TGFA: variants seen among roughly 807,000 people sequenced by gnomAD.
The protein encoded by TGFA is protransforming growth factor alpha.
A neutral mutation model predicts 21.7 loss-of-function variants in TGFA; 12 were observed. That is an observed-to-expected ratio of 0.55 (90% CI 0.35 to 0.90). TGFA has a LOEUF of 0.90. TGFA is among the 40% of genes least tolerant of loss of function. The pLI is 0.01. For missense variants in TGFA, 178 were observed against 210.8 expected (o/e 0.84, Z 0.96); for synonymous variants, 79 against 88.1 (o/e 0.90, Z 0.58).
At chr2:70,523,962 G>C (rs1040814590) in intron 1 of TGFA, among the ~76,000 whole-genome samples, 1 of 152,128 alleles carries the variant, frequency 6.6e-6, no homozygotes, top group Admixed American at 6.5e-5. Context: ...CTGACATCTG[G>C]AGAAGCATGC....
At position 70,447,916 on chromosome 2, in the gene TGFA, G is replaced by GGT. The variant is rs1669930067; in HGVS notation, c.*2941_*2942dup. The GGT allele has an allele frequency of 6.6e-6, 1 of 152,190 alleles. No homozygotes were observed. The highest frequency in any genetic ancestry group is 2.1e-4 in the South Asian group (1 of 4,818). The allele number at this position is 152,190 out of a possible 1,614,324, so 9.4% of individuals were successfully genotyped here. A position where few individuals can be genotyped will look rare whatever the true frequency, so the allele number is the denominator to read the frequency against. ...GGCCAAATTGACTGAAAAAGCAACT[G>GGT]GTGACCCATGTGCCCTCGAAAACCT... On this transcript the variant is annotated 3_prime_UTR_variant, in exon 6 of 6. Transcript: ENST00000295400.
intron 4 of TGFA, 136 bp downstream of exon 4, chr2:70,456,203 T>G: frequency 8.1e-7 from 1 of 1,235,454 alleles, no homozygotes; most frequent in Non-Finnish European, 1.1e-6. Flanking sequence ...CAAAGTAGCA[T>G]TTAGCTTTCC....
chr2:70,452,607 A>G (rs1443235867), intron 5 of TGFA, among the ~76,000 whole-genome samples: 3 of 152,174 alleles, frequency 2.0e-5, no homozygotes, highest in Non-Finnish European at 4.4e-5. Flanking sequence ...GGTATTTTAT[A>G]TCAGTACTCC....
At chr2:70,553,638 C>G (rs1475335905) in intron 1 of TGFA, 90 bp downstream of exon 1, 2 of 1,305,316 alleles carry the variant, frequency 1.5e-6, no homozygotes, top group Admixed American at 7.8e-5. Flanking sequence ...CCCAGGCGGG[C>G]GCAGAAACCC....
chr2:70,553,167 A>C (rs782002101), intron 1 of TGFA: 130 of 1,535,632 alleles, frequency 8.5e-5, no homozygotes, highest in Non-Finnish European at 1.0e-4. Context: ...TAATCCGCCC[A>C]AAAATCCAAA....
intron 1 of TGFA, among the ~76,000 whole-genome samples, chr2:70,529,592 C>A (rs1672751077): frequency 6.7e-6 from 1 of 149,026 alleles, no homozygotes; most frequent in African/African-American, 2.6e-5. Context: ...AGTGAATCCC[C>A]CCGCCCCAGT....
chr2:70,501,730 A>G (rs1671744756), intron 2 of TGFA, among the ~76,000 whole-genome samples: 1 of 152,202 alleles, frequency 6.6e-6, no homozygotes, highest in Non-Finnish European at 1.5e-5. Flanking sequence ...TTCCATCTTT[A>G]TACATTTCTA....
chr2:70,451,972 C>G (rs570689332), intron 5 of TGFA, among the ~76,000 whole-genome samples: 1 of 152,320 alleles, frequency 6.6e-6, no homozygotes, highest in East Asian at 1.9e-4. Flanking sequence ...CTCCCGCACT[C>G]TCTGTGTGCT....
chr2:70,481,797 A>T (rs781783812), intron 2 of TGFA, among the ~76,000 whole-genome samples: 4 of 152,218 alleles, frequency 2.6e-5, no homozygotes, highest in Admixed American at 6.5e-5. Flanking sequence ...GGAGAGGTCC[A>T]TGTGGAAAGA....
chr2:70,518,747 A>G (rs1672362914), intron 1 of TGFA, among the ~76,000 whole-genome samples: 1 of 152,152 alleles, frequency 6.6e-6, no homozygotes, highest in Non-Finnish European at 1.5e-5. Context: ...TCTTCTGTGG[A>G]CACTCAGCTA....
At chr2:70,504,459 T>TATATATATATAC (rs1559124011) in intron 2 of TGFA, among the ~76,000 whole-genome samples, 13 of 74,330 alleles carry the variant, frequency 1.7e-4, no homozygotes, top group East Asian at 1.7e-3. Context: ...TATATATATA[T>TATATATATATAC]ATATACACAC....
In TGFA at chr2:70,450,836, G is replaced by A. The variant is rs782365865; in HGVS notation, c.*23C>T. On this transcript the variant is annotated 3_prime_UTR_variant, in exon 6 of 6. Coordinates refer to ENST00000295400, the MANE Select transcript of TGFA (RefSeq NM_003236.4). Reference sequence around the variant, plus strand: ...TTATTGATCTGCCACAGTCCACCTGGCCAAACTCCTCCTCTGGGCTCTTCA... The same window carrying A: ...TTATTGATCTGCCACAGTCCACCTGACCAAACTCCTCCTCTGGGCTCTTCA... 1 of 1,608,828 alleles carries A rather than the reference G, an allele frequency of 6.2e-7. No homozygotes were observed. The highest frequency in any genetic ancestry group is 8.5e-7 in the Non-Finnish European group (1 of 1,177,342).
intron 1 of TGFA, among the ~76,000 whole-genome samples, chr2:70,518,912 G>A (rs976999876): frequency 4.6e-5 from 7 of 152,192 alleles, no homozygotes; most frequent in African/African-American, 1.7e-4. Context: ...AATATCAAGA[G>A]CTCTACCTTT....
chr2:70,549,132 A>T (rs1454730672), intron 1 of TGFA, among the ~76,000 whole-genome samples: 3 of 152,208 alleles, frequency 2.0e-5, no homozygotes, highest in Non-Finnish European at 4.4e-5. Flanking sequence ...AGGTGACATG[A>T]TTAGCACTGG....
At chr2:70,455,372 A>G (rs1158285183) in intron 4 of TGFA, among the ~76,000 whole-genome samples, 1 of 152,106 alleles carries the variant, frequency 6.6e-6, no homozygotes, top group Admixed American at 6.5e-5. Context: ...ATCTTAGGCA[A>G]CCTTGGAGGG....
At chr2:70,481,027 C>T (rs1671101135) in intron 2 of TGFA, among the ~76,000 whole-genome samples, 1 of 152,164 alleles carries the variant, frequency 6.6e-6, no homozygotes, top group African/African-American at 2.4e-5. Flanking sequence ...GTCATTTTAC[C>T]TCTTAATAGT....
intron 1 of TGFA, among the ~76,000 whole-genome samples, chr2:70,544,428 C>A (rs1673229387): frequency 6.6e-6 from 1 of 151,892 alleles, no homozygotes; most frequent in African/African-American, 2.4e-5. Context: ...CTAAGAGGAT[C>A]AACTGAAGGA....
intron 1 of TGFA, among the ~76,000 whole-genome samples, chr2:70,529,635 G>A (rs1672756438): frequency 6.6e-6 from 1 of 152,074 alleles, no homozygotes; most frequent in Admixed American, 6.5e-5. Flanking sequence ...CTGTGGCTGG[G>A]GGAGGGCACA....
At chr2:70,468,485 C>A (rs945521363) in intron 2 of TGFA, 4 of 152,270 alleles carry the variant, frequency 2.6e-5, no homozygotes, top group Non-Finnish European at 4.4e-5. Context: ...TAACTGGCTT[C>A]TCTGTGCTCA....
Sources: gnomAD v4.1 joint callset for allele counts (sites outside exome capture counted in the v4.1 genomes callset) on GRCh38, gnomAD v4.1.1 for gene constraint, MANE v1.5 for transcripts, NCBI Gene and HGNC (gene_info 2026-07-23, HGNC 2026-07-21) for gene names.